Variants in LHX5 observed in about 807,000 individuals in gnomAD.
LHX5 encodes LIM/homeobox protein Lhx5.
LHX5 carries 5 observed loss-of-function variants against 30.6 expected under a neutral mutation model. The observed-to-expected ratio is 0.16, with a 90% confidence interval of 0.09 to 0.34. LHX5 has a LOEUF of 0.34. LHX5 is among the 10% of genes least tolerant of loss of function. The pLI is 1.00. For missense variants in LHX5, 458 were observed against 570.6 expected, an observed-to-expected ratio of 0.80 and a Z score of 2.01; for synonymous variants, 266 against 252.6, an observed-to-expected ratio of 1.05 and a Z score of -0.50.
At position 113,463,035 on chromosome 12, in the gene LHX5, G is replaced by T; in HGVS notation, c.*155C>A. 1 of 681,952 alleles carries T rather than the reference G, an allele frequency of 1.5e-6. No individual in the cohort carries two copies. Among genetic ancestry groups the T allele is most frequent in the Non-Finnish European group, 2.3e-6 (1 of 441,518 alleles). 42.2% of individuals were successfully genotyped at this position (681,952 alleles called of 1,614,324 possible). A position where few individuals can be genotyped will look rare whatever the true frequency, so the allele number is the denominator to read the frequency against. On this transcript the variant is annotated 3_prime_UTR_variant, in exon 5 of 5. Coordinates refer to ENST00000261731, the MANE Select transcript of LHX5 (RefSeq NM_022363.3). The surrounding 1 kb of genome is among the most constrained non-coding windows in gnomAD (Gnocchi z 6.7). ...GGGGTCGGCCCCCCCTCGGCGCCCA[G>T]CCGAGGAGCAGCTGCCAGTTGAGTG...
At chr12:113,470,435 A>T (rs1385475409) in intron 1 of LHX5, among the ~76,000 whole-genome samples, 1 of 152,246 alleles carries the variant, frequency 6.6e-6, no homozygotes, top group Non-Finnish European at 1.5e-5. Flanking sequence ...GGGTCCAGGG[A>T]GTTAACACGT....
chr12:113,469,352 A>T lies in LHX5; in HGVS notation c.174-7T>A, dbSNP rs367626471. 3 of 1,609,854 alleles carry T rather than the reference A, an allele frequency of 1.9e-6. No individual in the cohort carries two copies. The highest frequency in any genetic ancestry group is 3.3e-5 in the Admixed American group (2 of 59,952). On this transcript the variant is annotated splice_polypyrimidine_tract_variant and splice_region_variant and intron_variant, in intron 1 of 4. Transcript: ENST00000261731. ...GCATTTCGTGCCAAAGCGCCTGTGG[A>T]CACAATGTGCCTGTCACTATGGGGT... is the stretch of plus-strand genomic sequence containing the variant.
In LHX5 at chr12:113,467,242, G is replaced by T. The variant is rs767931367; in HGVS notation, c.841+14C>A. 2.1e-6 allele frequency: 3 copies of T among 1,432,990 alleles called. No homozygotes were observed. The highest frequency in any genetic ancestry group is 2.8e-6 in the Non-Finnish European group (3 of 1,081,054). The allele number at this position is 1,432,990 out of a possible 1,614,324, so 88.8% of individuals were successfully genotyped here. ...GGACAGGTGCGGAACAGCGAATCCC[G>T]GGGCGCCCCTTACCTCCGTAGTAGG... On this transcript the variant is annotated intron_variant, in intron 4 of 4. Transcript: ENST00000261731. The surrounding 1 kb of genome is among the most constrained non-coding windows in gnomAD (Gnocchi z 6.3).
At position 113,467,299 on chromosome 12, in the gene LHX5, G is replaced by A. The variant is rs754316912; in HGVS notation, c.798C>T (p.Asp266=). The change falls in exon 4 of 5, where the codon GAC becomes GAT. Residue 266 remains aspartate (D), a synonymous_variant. Transcript: ENST00000261731. This position sits in a 1 kb window ranked among gnomAD's most constrained non-coding sequence, Gnocchi z 6.3. ...GGGTGGACCCCAACATCTCAGACTC[G>A]TCCAAGCGGCCGCCCAGCGGACGCA... The part of the protein sequence containing the change: ...RRMRPLGGRL[D]ESEMLGSTPY... 2.6e-6 allele frequency: 4 copies of A among 1,556,008 alleles called. No individual in the cohort carries two copies. Among genetic ancestry groups the A allele is most frequent in the Non-Finnish European group, 3.5e-6 (4 of 1,146,332 alleles).
At position 113,463,258 on chromosome 12, in the gene LHX5, C is replaced by T. The variant is rs937872914; in HGVS notation, c.1141G>A (p.Gly381Ser). Residue 381 changes from glycine (G) to serine (S), a missense_variant, in exon 5 of 5, where the codon GGC becomes AGC. Gly to Ser is a moderately conservative substitution (Grantham distance 56). This residue lies in a region of LHX5 where 255 missense variants were observed against 246.8 expected (regional missense o/e 1.03). Transcript: ENST00000261731. This position sits in a 1 kb window ranked among gnomAD's most constrained non-coding sequence, Gnocchi z 6.7. The part of the protein sequence containing the change: ...GGPSPPFPMS[G>S]TSGYSGPLSH... ...AGGGGTCCGCTGTAGCCGCTGGTGCCGCTCATTGGGAAGGGCGGGCTGGGC... is the reference window on the plus strand; with the variant it reads ...AGGGGTCCGCTGTAGCCGCTGGTGCTGCTCATTGGGAAGGGCGGGCTGGGC... The T allele has an allele frequency of 5.2e-6, 8 of 1,526,112 alleles. No homozygotes were observed. Among genetic ancestry groups the T allele is most frequent in the African/African-American group, 2.9e-5 (2 of 69,962 alleles). The allele number at this position is 1,526,112 out of a possible 1,614,324, so 94.5% of individuals were successfully genotyped here.
rs1958201968 is a variant in LHX5 at position 113,464,721 on chromosome 12, T to C, written c.842-1164A>G. Among the ~76,000 whole-genome samples, 1 of 152,118 alleles carries C rather than the reference T, an allele frequency of 6.6e-6. No individual in the cohort carries two copies. Among genetic ancestry groups the C allele is most frequent in the Non-Finnish European group, 1.5e-5 (1 of 68,008 alleles). ...CAGGTTCTGAAGCATCTGAGGACAT[T>C]GAGATCTTTTGAGAAGCTGGTGATA... On this transcript the variant is annotated intron_variant, in intron 4 of 4. Transcript: ENST00000261731. This position sits in a 1 kb window ranked among gnomAD's most constrained non-coding sequence, Gnocchi z 6.2.
At position 113,469,325 on chromosome 12, in the gene LHX5, G is replaced by T. The variant is rs1467225776; in HGVS notation, c.194C>A (p.Ala65Asp). ...DFFRRFGTKC[A>D]GCAQGISPSD... ...GGGCGAGATGCCTTGCGCGCAGCCGGCGCATTTCGTGCCAAAGCGCCTGTG... is the reference window on the plus strand; with the variant it reads ...GGGCGAGATGCCTTGCGCGCAGCCGTCGCATTTCGTGCCAAAGCGCCTGTG... Residue 65 changes from alanine (A) to aspartate (D), a missense_variant, in exon 2 of 5, where the codon GCC becomes GAC. Physicochemically the swap from Ala to Asp is moderately radical, Grantham distance 126 (BLOSUM62 -2). This residue lies in a region of LHX5 where 178 missense variants were observed against 238.5 expected (regional missense o/e 0.75). Coordinates refer to ENST00000261731, the MANE Select transcript of LHX5 (RefSeq NM_022363.3). 6.2e-7 allele frequency: 1 copy of T among 1,613,370 alleles called. No individual in the cohort carries two copies. The highest frequency in any genetic ancestry group is 1.1e-5 in the South Asian group (1 of 91,048).
At chr12:113,471,084 G>T (rs953475006) in intron 1 of LHX5, among the ~76,000 whole-genome samples, 2 of 152,222 alleles carry the variant, frequency 1.3e-5, no homozygotes, top group African/African-American at 2.4e-5. Flanking sequence ...CCTCTGCCCC[G>T]CCAGCGCTCT....
In LHX5 at chr12:113,465,456, G is replaced by A. The variant is rs915134378; in HGVS notation, c.841+1800C>T. 1.3e-5 allele frequency among the ~76,000 whole-genome samples: 2 copies of A among 152,192 alleles called. No homozygotes were observed. The highest frequency in any genetic ancestry group is 2.9e-5 in the Non-Finnish European group (2 of 68,022). ...GCTGGGGCTTTGTCCGCGCTCCCAC[G>A]GGGAGCCGCCGGCCCCGCCGCCCGG... is the stretch of plus-strand genomic sequence containing the variant. On this transcript the variant is annotated intron_variant, in intron 4 of 4. Coordinates refer to ENST00000261731, the MANE Select transcript of LHX5 (RefSeq NM_022363.3). The surrounding 1 kb of genome is among the most constrained non-coding windows in gnomAD (Gnocchi z 6.7).
In LHX5 at chr12:113,468,294, C is replaced by T. The variant is rs1339286302; in HGVS notation, c.508G>A (p.Glu170Lys). 8.1e-6 allele frequency: 13 copies of T among 1,614,034 alleles called. No individual in the cohort carries two copies. Among genetic ancestry groups the T allele is most frequent in the Non-Finnish European group, 1.1e-5 (13 of 1,179,984 alleles). ...GTGCCCGAGTTCTGCTCCTCGTTCT[C>T]GTTGTTGGCCGTCTCCTTGTCCGAC... ...TSSDKETANN[E>K]NEEQNSGTKR... Residue 170 changes from glutamate (E) to lysine (K), a missense_variant, in exon 3 of 5, where the codon GAG becomes AAG. By Grantham distance (56) the Glu-to-Lys change is moderately conservative (BLOSUM62 1). Transcript: ENST00000261731.
Position 113,463,542 on chromosome 12 carries a change from T to G in LHX5, c.857A>C (p.Tyr286Ser). 6.4e-7 allele frequency: 1 copy of G among 1,551,084 alleles called. No homozygotes were observed. Among genetic ancestry groups the G allele is most frequent in the Non-Finnish European group, 8.6e-7 (1 of 1,156,614 alleles). Reference protein sequence around the residue: ...YTYYGDYQGDYYAPGSNYDFF... With the variant: ...YTYYGDYQGDSYAPGSNYDFF... ...GTCGTAGTTGCTTCCCGGCGCGTAG[T>G]AGTCGCCTTGGTAGTCTGCGGAGGG... Residue 286 changes from tyrosine (Y) to serine (S), a missense_variant, in exon 5 of 5, where the codon TAC (tyrosine) becomes TCC (serine). Tyr to Ser is a moderately radical substitution (Grantham distance 144, BLOSUM62 -2). This residue lies in a region of LHX5 where 255 missense variants were observed against 246.8 expected (regional missense o/e 1.03). Coordinates refer to ENST00000261731, the MANE Select transcript of LHX5 (RefSeq NM_022363.3). This position sits in a 1 kb window ranked among gnomAD's most constrained non-coding sequence, Gnocchi z 6.7.
Position 113,466,688 on chromosome 12 carries a change from G to T in LHX5, c.841+568C>A, listed in dbSNP as rs146278373. Among the ~76,000 whole-genome samples the T allele has an allele frequency of 1.6e-3, 242 of 152,332 alleles. No individual in the cohort carries two copies. The highest frequency in any genetic ancestry group is 5.5e-3 in the African/African-American group (228 of 41,568). ...TGGAACAGGAGTTGCTGCCTTCGAT[G>T]CTAGTGAGCAGGCGGCTTGGAATGA... On this transcript the variant is annotated intron_variant, in intron 4 of 4. Coordinates refer to ENST00000261731, the MANE Select transcript of LHX5 (RefSeq NM_022363.3). This position sits in a 1 kb window ranked among gnomAD's most constrained non-coding sequence, Gnocchi z 6.5.
intron 1 of LHX5, among the ~76,000 whole-genome samples, chr12:113,469,929 C>G (rs1445026633): frequency 6.6e-6 from 1 of 152,258 alleles, no homozygotes; most frequent in Non-Finnish European, 1.5e-5. Context: ...ATCCACCGCT[C>G]TGGGACCCGC....
Position 113,468,117 on chromosome 12 carries a change from C to T in LHX5, c.675+10G>A, listed in dbSNP as rs769563461. 4 of 1,540,864 alleles carry T rather than the reference C, an allele frequency of 2.6e-6. No homozygotes were observed. Among genetic ancestry groups the T allele is most frequent in the Admixed American group, 1.9e-5 (1 of 52,320 alleles). On this transcript the variant is annotated intron_variant, in intron 3 of 4. Transcript: ENST00000261731. ...CGGGGCTAAGGAGCTGTGCCCGCCC[C>T]GGGCCGCACCTGGATGACGCGCATG...
At position 113,465,909 on chromosome 12, in the gene LHX5, G is replaced by A. The variant is rs986030281; in HGVS notation, c.841+1347C>T. On this transcript the variant is annotated intron_variant, in intron 4 of 4. Coordinates refer to ENST00000261731, the MANE Select transcript of LHX5 (RefSeq NM_022363.3). This position sits in a 1 kb window ranked among gnomAD's most constrained non-coding sequence, Gnocchi z 6.7. The stretch of plus-strand genomic sequence containing the variant: ...GTTGGGGGGCTGTCCAGGGTTGGGC[G>A]GCTGGGGCGCTCCAGCCTGAGCCCT... Among the ~76,000 whole-genome samples, 1 of 152,170 alleles carries A rather than the reference G, an allele frequency of 6.6e-6. No individual in the cohort carries two copies. Among genetic ancestry groups the A allele is most frequent in the African/African-American group, 2.4e-5 (1 of 41,450 alleles).
Position 113,463,874 on chromosome 12 carries a change from A to T in LHX5, c.842-317T>A, listed in dbSNP as rs1162777534. Among the ~76,000 whole-genome samples, 1 of 151,930 alleles carries T rather than the reference A, an allele frequency of 6.6e-6. No homozygotes were observed. Among genetic ancestry groups the T allele is most frequent in the Non-Finnish European group, 1.5e-5 (1 of 67,968 alleles). On this transcript the variant is annotated intron_variant, in intron 4 of 4. Transcript: ENST00000261731. The surrounding 1 kb of genome is among the most constrained non-coding windows in gnomAD (Gnocchi z 6.7). Reference sequence around the variant, plus strand: ...CGGCAAAAACTCGGAGACTTCAGTCACAGGTTCCCTGACACCTAGAGATGG... The same window carrying T: ...CGGCAAAAACTCGGAGACTTCAGTCTCAGGTTCCCTGACACCTAGAGATGG...
rs573094239 is a variant in LHX5, at chr12:113,465,348, C to A, written c.842-1791G>T. 1.3e-5 allele frequency among the ~76,000 whole-genome samples: 2 copies of A among 152,212 alleles called. No homozygotes were observed. The highest frequency in any genetic ancestry group is 2.1e-4 in the South Asian group (1 of 4,834). On this transcript the variant is annotated intron_variant, in intron 4 of 4. Coordinates refer to ENST00000261731, the MANE Select transcript of LHX5 (RefSeq NM_022363.3). This position sits in a 1 kb window ranked among gnomAD's most constrained non-coding sequence, Gnocchi z 6.7. ...CCAGCGAAGGCCGCTGCCCCCGCGC[C>A]GTGCGCGCCGCCTCCGCCCATATGG...
rs374740642 is a variant in LHX5 at position 113,464,324 on chromosome 12, G to C, written c.842-767C>G. Among the ~76,000 whole-genome samples the C allele has an allele frequency of 7.2e-4, 110 of 152,330 alleles. 1 individual carries two copies. In the South Asian group the frequency reaches 0.022, roughly 30 times the overall value. On this transcript the variant is annotated intron_variant, in intron 4 of 4. Coordinates refer to ENST00000261731, the MANE Select transcript of LHX5 (RefSeq NM_022363.3). This position sits in a 1 kb window ranked among gnomAD's most constrained non-coding sequence, Gnocchi z 6.2. Reference sequence around the variant, plus strand: ...AGGAACCGGGCAGGGACAAACCAGCGGACAGAGCAGAGCGCGAAATGGTTG... The same window carrying C: ...AGGAACCGGGCAGGGACAAACCAGCCGACAGAGCAGAGCGCGAAATGGTTG...
chr12:113,467,039 A>G lies in LHX5; in HGVS notation c.841+217T>C, dbSNP rs1324364247. On this transcript the variant is annotated intron_variant, in intron 4 of 4. Coordinates refer to ENST00000261731, the MANE Select transcript of LHX5 (RefSeq NM_022363.3). The surrounding 1 kb of genome is among the most constrained non-coding windows in gnomAD (Gnocchi z 6.3). ...CCTGCGTGGGTGAATGTGTCACTGT[A>G]TCTCGTGTGTGCTTCTGTGTGCATC... Among the ~76,000 whole-genome samples the G allele has an allele frequency of 6.6e-6, 1 of 151,434 alleles. No individual in the cohort carries two copies. The highest frequency in any genetic ancestry group is 1.5e-5 in the Non-Finnish European group (1 of 67,910).
Sources: gnomAD v4.1 joint callset for allele counts (sites outside exome capture counted in the v4.1 genomes callset) on GRCh38, gnomAD v4.1.1 for gene constraint, gnomAD v4.1.1 regional missense constraint, Gnocchi (gnomAD v3.1) non-coding constraint, MANE v1.5 for transcripts, NCBI Gene and HGNC (gene_info 2026-07-23, HGNC 2026-07-21) for gene names.